Variants in SDK1 observed in about 807,000 individuals in gnomAD.
SDK1 encodes the protein protein sidekick-1.
A neutral mutation model predicts 245.5 loss-of-function variants in SDK1; 157 were observed. The observed-to-expected ratio is 0.64, with a 90% confidence interval of 0.56 to 0.73. The LOEUF is 0.73. Among genes scored for constraint, SDK1 ranks in the 30% least tolerant of loss-of-function variants. The probability of loss-of-function intolerance (pLI) is 0.00; values close to 1 mark genes in which losing one functional copy is unlikely to be tolerated. For synonymous variants in SDK1, 1,647 were observed against 1,278.5 expected (o/e 1.29, Z -6.15); for missense variants, 3,583 against 3,002.3 (o/e 1.19, Z -4.52).
chr7:3,627,319 T>TGG (rs1782152481), intron 2 of SDK1, among the ~76,000 whole-genome samples: 1 of 152,170 alleles, frequency 6.6e-6, no homozygotes, highest in African/African-American at 2.4e-5. Context: ...CCGGATCCTC[T>TGG]GGGGAAAGTG....
intron 1 of SDK1, among the ~76,000 whole-genome samples, chr7:3,345,740 C>G (rs1288649394): frequency 1.3e-5 from 2 of 152,172 alleles, no homozygotes; most frequent in Admixed American, 6.5e-5. Context: ...TTCAGTGCTT[C>G]TCTAGAGTAT....
At chr7:3,915,969 C>G (rs1471385333) in intron 5 of SDK1, among the ~76,000 whole-genome samples, 1 of 152,174 alleles carries the variant, frequency 6.6e-6, no homozygotes, top group East Asian at 1.9e-4. Flanking sequence ...TTTTACTTCC[C>G]TAAACCAAAA....
At chr7:3,899,337 A>T (rs925045222) in intron 5 of SDK1, among the ~76,000 whole-genome samples, 1 of 152,062 alleles carries the variant, frequency 6.6e-6, no homozygotes, top group Non-Finnish European at 1.5e-5. Context: ...ATATCTCCCC[A>T]TCATCTACAG....
chr7:3,486,397 G>C (rs1055074585), intron 1 of SDK1, among the ~76,000 whole-genome samples: 1 of 151,664 alleles, frequency 6.6e-6, no homozygotes, highest in African/African-American at 2.4e-5. Flanking sequence ...TTTTTGTTTG[G>C]TTTTCTAATT....
intron 1 of SDK1, among the ~76,000 whole-genome samples, chr7:3,474,833 T>A (rs1465836467): frequency 6.6e-6 from 1 of 152,076 alleles, no homozygotes; most frequent in East Asian, 1.9e-4. Context: ...GGGGACTATA[T>A]AGGTGTGCAC....
At chr7:3,493,546 A>G (rs1781929024) in intron 1 of SDK1, among the ~76,000 whole-genome samples, 1 of 152,348 alleles carries the variant, frequency 6.6e-6, no homozygotes, top group East Asian at 1.9e-4. Flanking sequence ...CACTGATAAA[A>G]CAGTCAGTAG....
intron 4 of SDK1, among the ~76,000 whole-genome samples, chr7:3,820,082 G>A (rs1424649228): frequency 6.6e-6 from 1 of 152,116 alleles, no homozygotes; most frequent in Non-Finnish European, 1.5e-5. Flanking sequence ...TGATATTTTG[G>A]TGCTCAGAAT....
chr7:4,209,091 C>T (rs1784386406), intron 37 of SDK1, among the ~76,000 whole-genome samples: 1 of 152,224 alleles, frequency 6.6e-6, no homozygotes. Context: ...ATCAGGGCCC[C>T]TTGGCATCAA....
intron 4 of SDK1, among the ~76,000 whole-genome samples, chr7:3,683,560 A>G (rs1784176934): frequency 1.3e-5 from 2 of 152,208 alleles, no homozygotes; most frequent in Admixed American, 1.3e-4. Context: ...GAAACTATTT[A>G]CTGAGCTCAC....
chr7:4,177,391 C>T (rs180852269), intron 34 of SDK1, among the ~76,000 whole-genome samples: 58 of 152,352 alleles, frequency 3.8e-4, no homozygotes, highest in African/African-American at 1.3e-3. Context: ...CAATTATTCT[C>T]ACCCTGTCAC....
At chr7:3,319,568 C>CAT (rs1192792610) in intron 1 of SDK1, among the ~76,000 whole-genome samples, 1 of 152,062 alleles carries the variant, frequency 6.6e-6, no homozygotes, top group African/African-American at 2.4e-5. Context: ...TTACATGATA[C>CAT]ATATATGTAC....
At chr7:3,542,620 A>G (rs1033344833) in intron 1 of SDK1, among the ~76,000 whole-genome samples, 2 of 152,356 alleles carry the variant, frequency 1.3e-5, no homozygotes, top group African/African-American at 4.8e-5. Flanking sequence ...ACATTATTAA[A>G]ATAAAAATGT....
At chr7:3,875,177 A>G (rs544350359) in intron 5 of SDK1, among the ~76,000 whole-genome samples, 25 of 151,930 alleles carry the variant, frequency 1.6e-4, no homozygotes, top group Admixed American at 9.8e-4. Context: ...GGAAATGTCT[A>G]TCTCTTTCTG....
chr7:4,258,076 C>T (rs2128242654), intron 44 of SDK1, among the ~76,000 whole-genome samples: 2 of 152,356 alleles, frequency 1.3e-5, no homozygotes, highest in African/African-American at 4.8e-5. Context: ...ACATGTGTCA[C>T]AGACCCTTCT....
intron 4 of SDK1, among the ~76,000 whole-genome samples, chr7:3,655,171 C>T (rs1477946281): frequency 1.3e-5 from 2 of 151,506 alleles, no homozygotes; most frequent in East Asian, 1.9e-4. Flanking sequence ...AGGTGACTCA[C>T]ACCTGTAATC....
At chr7:4,204,926 C>T (rs1784110994) in intron 35 of SDK1, among the ~76,000 whole-genome samples, 1 of 89,696 alleles carries the variant, frequency 1.1e-5, no homozygotes, top group Non-Finnish European at 2.3e-5. Flanking sequence ...TTCTGGAACG[C>T]AGGCGTGTGC....
chr7:3,609,666 C>T (rs1385965280), intron 1 of SDK1, among the ~76,000 whole-genome samples: 1 of 152,142 alleles, frequency 6.6e-6, no homozygotes, highest in Non-Finnish European at 1.5e-5. Flanking sequence ...TCCCAAAGTG[C>T]TGGGATTATA....
At chr7:3,567,871 G>C (rs1779978755) in intron 1 of SDK1, among the ~76,000 whole-genome samples, 1 of 152,160 alleles carries the variant, frequency 6.6e-6, no homozygotes, top group Non-Finnish European at 1.5e-5. Context: ...CAGTGCAGTG[G>C]TGCGGTCATA....
Position 4,011,519 on chromosome 7 carries a change from G to A in SDK1, c.2279+406G>A, listed in dbSNP as rs530076209. ...CATGCTGTTAAGGGAAGCTGTCTCT[G>A]CAGAGGCGTCGCATTCCTGAGCGGT... On this transcript the variant is annotated intron_variant, in intron 15 of 44. Transcript: ENST00000404826. 2.0e-5 allele frequency among the ~76,000 whole-genome samples: 3 copies of A among 152,316 alleles called. No individual in the cohort carries two copies. The South Asian group carries it at 6.2e-4, about 32-fold the overall frequency.
Sources: gnomAD v4.1 joint callset for allele counts (sites outside exome capture counted in the v4.1 genomes callset) on GRCh38, gnomAD v4.1.1 for gene constraint, MANE v1.5 for transcripts, NCBI Gene and HGNC (gene_info 2026-07-23, HGNC 2026-07-21) for gene names.